MTERF3: variants seen among roughly 807,000 people sequenced by gnomAD.
MTERF3 encodes the protein transcription termination factor 3, mitochondrial.
A neutral mutation model predicts 40.5 loss-of-function variants in MTERF3; 40 were observed. That is an observed-to-expected ratio of 0.99 (90% CI 0.77 to 1.29). The LOEUF (loss-of-function observed/expected upper bound fraction) is 1.29. Among genes scored for constraint, MTERF3 ranks in the 50% most tolerant of loss-of-function variants. The probability of loss-of-function intolerance (pLI) is 0.00; values close to 1 mark genes in which losing one functional copy is unlikely to be tolerated. For synonymous variants in MTERF3, 158 were observed against 166.6 expected (o/e 0.95, Z 0.40); for missense variants, 452 against 478.2 (o/e 0.95, Z 0.51).
intron 3 of MTERF3, among the ~76,000 whole-genome samples, chr8:96,256,616 G>C (rs148230407): frequency 1.3e-5 from 2 of 152,236 alleles, no homozygotes; most frequent in East Asian, 3.9e-4. Context: ...TTTATATTAG[G>C]AGAATTGAAA....
At chr8:96,245,786 G>T in intron 6 of MTERF3, 74 bp downstream of exon 6, 2 of 1,327,338 alleles carry the variant, frequency 1.5e-6, no homozygotes, top group Non-Finnish European at 2.1e-6. Context: ...CATGACAATA[G>T]CAAAATCTGT....
At chr8:96,245,401 C>T (rs939057660) in intron 6 of MTERF3, among the ~76,000 whole-genome samples, 2 of 152,130 alleles carry the variant, frequency 1.3e-5, no homozygotes, top group African/African-American at 4.8e-5. Context: ...GGGACAGGTG[C>T]AAAGGAGAAC....
intron 3 of MTERF3, among the ~76,000 whole-genome samples, chr8:96,254,488 T>C (rs1056116354): frequency 6.6e-6 from 1 of 152,180 alleles, no homozygotes; most frequent in South Asian, 2.1e-4. Context: ...CTTTCATATA[T>C]AAGTGAGATC....
chr8:96,254,268 T>A (rs1468111620), intron 3 of MTERF3, among the ~76,000 whole-genome samples: 1 of 152,190 alleles, frequency 6.6e-6, no homozygotes, highest in Non-Finnish European at 1.5e-5. Context: ...ATTCATGACT[T>A]TTTTTTGTGG....
intron 7 of MTERF3, among the ~76,000 whole-genome samples, chr8:96,240,702 G>A (rs942898589): frequency 6.6e-6 from 1 of 152,184 alleles, no homozygotes; most frequent in Non-Finnish European, 1.5e-5. Context: ...AGACCTGTGA[G>A]GTTCCCCGAT....
At chr8:96,251,936 G>A (rs1810193460) in intron 3 of MTERF3, among the ~76,000 whole-genome samples, 1 of 152,194 alleles carries the variant, frequency 6.6e-6, no homozygotes, top group African/African-American at 2.4e-5. Context: ...GAATCCCCAT[G>A]TGTCGTGGGA....
At chr8:96,256,648 T>G (rs537230826) in intron 3 of MTERF3, among the ~76,000 whole-genome samples, 5 of 152,282 alleles carry the variant, frequency 3.3e-5, no homozygotes, top group African/African-American at 1.2e-4. Flanking sequence ...AAAGTACATG[T>G]GTACATACAA....
chr8:96,243,945 G>C lies in MTERF3; in HGVS notation c.1033C>G (p.His345Asp). Residue 345 changes from histidine to aspartate, a missense_variant, in exon 7 of 8, where the codon CAC becomes GAC. Coordinates refer to ENST00000287025, the MANE Select transcript of MTERF3 (RefSeq NM_015942.5). ...TGTGGGAACTTGACAATGATGTGGTGGGGAATGCTCATCACATTGTGCACA... is the reference window on the plus strand; with the variant it reads ...TGTGGGAACTTGACAATGATGTGGTCGGGAATGCTCATCACATTGTGCACA... ...DFVHNVMSIPHHIIVKFPQVF... is the reference protein window; with the variant it reads ...DFVHNVMSIPDHIIVKFPQVF... 6.2e-7 allele frequency: 1 copy of C among 1,614,008 alleles called. No individual in the cohort carries two copies. Among genetic ancestry groups the C allele is most frequent in the Non-Finnish European group, 8.5e-7 (1 of 1,179,978 alleles).
intron 3 of MTERF3, among the ~76,000 whole-genome samples, chr8:96,252,605 G>A (rs1013425363): frequency 5.3e-5 from 8 of 152,104 alleles, no homozygotes; most frequent in Non-Finnish European, 1.0e-4. Context: ...TTTGACAACC[G>A]GATGTAATTC....
At chr8:96,243,868 C>T in intron 7 of MTERF3, 51 bp downstream of exon 7, 1 of 1,583,478 alleles carries the variant, frequency 6.3e-7, no homozygotes, top group Non-Finnish European at 8.6e-7. Flanking sequence ...AGAGCAGCTC[C>T]AAATGAAGCG....
intron 4 of MTERF3, among the ~76,000 whole-genome samples, chr8:96,247,198 C>G (rs1810037648): frequency 6.6e-6 from 1 of 152,136 alleles, no homozygotes; most frequent in South Asian, 2.1e-4. Context: ...GTCTCGAACT[C>G]CTGACTTCAA....
intron 4 of MTERF3, among the ~76,000 whole-genome samples, chr8:96,247,461 A>C (rs1810042435): frequency 6.6e-6 from 1 of 152,192 alleles, no homozygotes; most frequent in Admixed American, 6.5e-5. Context: ...AATGTCTAAA[A>C]TATATCAGGA....
chr8:96,242,841 C>T (rs1478596870), intron 7 of MTERF3, among the ~76,000 whole-genome samples: 1 of 152,156 alleles, frequency 6.6e-6, no homozygotes, highest in Non-Finnish European at 1.5e-5. Flanking sequence ...TTTGTATCCT[C>T]AGTGCCCAAT....
intron 2 of MTERF3, among the ~76,000 whole-genome samples, chr8:96,257,678 G>T (rs989453536): frequency 2.0e-5 from 3 of 151,938 alleles, no homozygotes; most frequent in Non-Finnish European, 4.4e-5. Flanking sequence ...AAAATCAAAC[G>T]CAGCATGGAA....
intron 3 of MTERF3, 93 bp from the exon 4 acceptor site, chr8:96,251,188 A>G (rs1586169870): frequency 3.0e-6 from 3 of 992,746 alleles, no homozygotes; most frequent in South Asian, 3.8e-5. Context: ...GATGGAGATC[A>G]ACACCTATCC....
chr8:96,239,903 T>G (rs1451262801), intron 7 of MTERF3: 3 of 694,980 alleles, frequency 4.3e-6, no homozygotes, highest in Non-Finnish European at 7.8e-6. Context: ...AATAAAATAA[T>G]TCAGGGCTAT....
intron 4 of MTERF3, among the ~76,000 whole-genome samples, chr8:96,250,655 A>AGAC (rs1810147465): frequency 2.6e-5 from 1 of 37,742 alleles, no homozygotes. Context: ...AAGAAGAAGA[A>AGAC]GAAGAAGAAG....
chr8:96,241,764 C>T (rs191964394), intron 7 of MTERF3, among the ~76,000 whole-genome samples: 5 of 152,160 alleles, frequency 3.3e-5, no homozygotes, highest in East Asian at 1.9e-4. Context: ...TTAAATTCTT[C>T]GGAGTTAAAA....
rs1164030688 is a variant in MTERF3, at chr8:96,257,037, G to A, written c.412C>T (p.Pro138Ser). 1 of 1,613,936 alleles carries A rather than the reference G, an allele frequency of 6.2e-7. No individual in the cohort carries two copies. The change falls in exon 3 of 8, where the codon CCA (proline) becomes TCA (serine). Residue 138 changes from proline to serine, a missense_variant. Coordinates refer to ENST00000287025, the MANE Select transcript of MTERF3 (RefSeq NM_015942.5). The part of the protein sequence containing the change: ...EEAIQIIADP[P>S]LPPASFTLRD... ...AGTGTGAATGAAGCTGGTGGCAATG[G>A]AGGGTCTGCAATAATCTGAATAGCC...
Sources: gnomAD v4.1 joint callset for allele counts (sites outside exome capture counted in the v4.1 genomes callset) on GRCh38, gnomAD v4.1.1 for gene constraint, MANE v1.5 for transcripts, NCBI Gene and HGNC (gene_info 2026-07-23, HGNC 2026-07-21) for gene names.